The following NDUFA10 variants were observed in gnomAD, a reference collection of about 807,000 sequenced individuals.
NDUFA10 encodes the protein NADH dehydrogenase [ubiquinone] 1 alpha subcomplex subunit 10, mitochondrial.
NDUFA10 carries 40 observed loss-of-function variants against 47.8 expected under a neutral mutation model. The ratio of observed to expected loss-of-function variants is 0.84; its 90% CI spans 0.65 to 1.09. The LOEUF is 1.09. Ranked by LOEUF, NDUFA10 falls within the 50% of genes least tolerant of loss-of-function variation. The pLI, the probability that NDUFA10 is intolerant of heterozygous loss-of-function variation, is 0.00. For missense variants in NDUFA10, 413 were observed against 451.1 expected, an observed-to-expected ratio of 0.92 and a Z score of 0.76; for synonymous variants, 183 against 172.2, an observed-to-expected ratio of 1.06 and a Z score of -0.49.
intron 9 of NDUFA10, among the ~76,000 whole-genome samples, chr2:239,984,543 A>C (rs1695920420): frequency 6.6e-6 from 1 of 152,236 alleles, no homozygotes; most frequent in Admixed American, 6.5e-5. Context: ...GATTCTCTTT[A>C]ATGCTCACAA....
At chr2:239,915,275 C>A (rs890970505) in intron 4 of NDUFA10, among the ~76,000 whole-genome samples, 3 of 150,126 alleles carry the variant, frequency 2.0e-5, no homozygotes, top group Non-Finnish European at 3.0e-5. Context: ...TACAGACACA[C>A]ACAAATATAC....
intron 8 of NDUFA10, among the ~76,000 whole-genome samples, chr2:239,993,603 G>A (rs1198939355): frequency 6.6e-6 from 1 of 152,154 alleles, no homozygotes; most frequent in East Asian, 1.9e-4. Flanking sequence ...AAAGATTCAA[G>A]TAAAGAGAAA....
At chr2:239,948,411 T>G (rs1036219185) in intron 4 of NDUFA10, among the ~76,000 whole-genome samples, 1 of 152,228 alleles carries the variant, frequency 6.6e-6, no homozygotes, top group African/African-American at 2.4e-5. Flanking sequence ...CTCCACAGCC[T>G]CCGCTCCATG....
At chr2:239,914,626 C>T (rs528549035) in intron 4 of NDUFA10, among the ~76,000 whole-genome samples, 9 of 132,286 alleles carry the variant, frequency 6.8e-5, no homozygotes, top group East Asian at 6.2e-4. Context: ...GATACACATA[C>T]ACACACAGAA....
At chr2:239,999,073 G>A (rs1696599088) in intron 8 of NDUFA10, among the ~76,000 whole-genome samples, 1 of 152,140 alleles carries the variant, frequency 6.6e-6, no homozygotes, top group African/African-American at 2.4e-5. Context: ...CTACCAAAGT[G>A]AACTTGGGTC....
intron 4 of NDUFA10, chr2:240,017,931 G>A (rs2106494321): frequency 6.5e-7 from 1 of 1,540,772 alleles, no homozygotes; most frequent in African/African-American, 1.4e-5. Context: ...CCGTCAGTCA[G>A]ACTGTCCACC....
At chr2:239,975,824 G>A (rs1458773591) in intron 9 of NDUFA10, among the ~76,000 whole-genome samples, 1 of 152,052 alleles carries the variant, frequency 6.6e-6, no homozygotes, top group Admixed American at 6.6e-5. Flanking sequence ...CCTGGATCAA[G>A]CGTCCACACT....
chr2:239,994,501 C>A (rs868620885), intron 8 of NDUFA10, among the ~76,000 whole-genome samples: 4 of 151,910 alleles, frequency 2.6e-5, no homozygotes, highest in Admixed American at 1.3e-4. Context: ...AAGCTCAGGG[C>A]TCCCACTGAT....
At chr2:239,901,245 C>T (rs1414576716) in intron 4 of NDUFA10, among the ~76,000 whole-genome samples, 3 of 152,140 alleles carry the variant, frequency 2.0e-5, no homozygotes, top group African/African-American at 2.4e-5. Context: ...CAGTGGCTCG[C>T]ATCTGTAATC....
chr2:239,990,127 C>A lies in NDUFA10; in HGVS notation c.946G>T (p.Glu316Ter). ...GTCTGATGAGCTCCAATGGTGACTT[C>A]CGGGAGAAAGATAGGAATGCTTGTG... is the stretch of plus-strand genomic sequence containing the variant. ...NYTSIPIFLPEVTIGAHQTDR... is the reference protein window; with the variant it reads ...NYTSIPIFLP The change falls in exon 9 of 10, where the codon GAA (glutamate) becomes TAA (stop). Residue 316 changes from glutamate (E) to a stop codon, truncating the protein, a stop_gained. Transcript: ENST00000252711. LOFTEE classifies it high-confidence loss of function. The A allele has an allele frequency of 6.2e-7, 1 of 1,614,020 alleles. No individual in the cohort carries two copies. The highest frequency in any genetic ancestry group is 8.5e-7 in the Non-Finnish European group (1 of 1,179,934).
intron 4 of NDUFA10, chr2:240,017,682 CAGGG>C: frequency 1.4e-6 from 1 of 703,806 alleles, no homozygotes; most frequent in Non-Finnish European, 2.5e-6. Flanking sequence ...TCAGCATGTC[CAGGG>C]AGGATCAGCC....
intron 5 of NDUFA10, chr2:240,011,957 C>T: frequency 2.1e-6 from 1 of 475,974 alleles, no homozygotes; most frequent in Non-Finnish European, 3.9e-6. Flanking sequence ...ATACTTAGGG[C>T]AAGAAAGATG....
At chr2:239,943,454 C>T (rs1405445351) in intron 4 of NDUFA10, among the ~76,000 whole-genome samples, 2 of 152,228 alleles carry the variant, frequency 1.3e-5, no homozygotes, top group African/African-American at 4.8e-5. Context: ...CCCGCCTCAG[C>T]CTCCCAAAGT....
chr2:239,916,053 C>CACACACAA (rs1559278555), intron 4 of NDUFA10, among the ~76,000 whole-genome samples: 1 of 148,978 alleles, frequency 6.7e-6, no homozygotes, highest in Non-Finnish European at 1.5e-5. Context: ...CACAAACATA[C>CACACACAA]ACACACACAT....
chr2:239,959,917 C>T lies in NDUFA10; in HGVS notation c.*1201G>A. 1.0e-6 allele frequency: 1 copy of T among 985,520 alleles called. No individual in the cohort carries two copies. The highest frequency in any genetic ancestry group is 1.2e-6 in the Non-Finnish European group (1 of 829,958). 61.0% of individuals were successfully genotyped at this position (985,520 alleles called of 1,614,324 possible). A position where few individuals can be genotyped will look rare whatever the true frequency, so the allele number is the denominator to read the frequency against. On this transcript the variant is annotated 3_prime_UTR_variant, in exon 10 of 10. Coordinates refer to ENST00000252711, the MANE Select transcript of NDUFA10 (RefSeq NM_004544.4). ...TGCATCTTCTTCGCATGCTCCGCAG[C>T]AGCGAGGCCTGGTAGAGCTTCCGCG...
intron 8 of NDUFA10, among the ~76,000 whole-genome samples, chr2:239,996,915 C>T (rs1006822355): frequency 6.6e-6 from 1 of 151,872 alleles, no homozygotes; most frequent in African/African-American, 2.4e-5. Context: ...AGATTGGACA[C>T]CCCTGCTTTA....
chr2:239,942,864 G>T (rs552642493), intron 4 of NDUFA10, among the ~76,000 whole-genome samples: 1 of 152,144 alleles, frequency 6.6e-6, no homozygotes, highest in African/African-American at 2.4e-5. Flanking sequence ...GCAAAGGCTC[G>T]TCTTCCCCTC....
intron 9 of NDUFA10, among the ~76,000 whole-genome samples, chr2:239,965,371 A>G (rs192601831): frequency 6.9e-4 from 105 of 152,282 alleles, no homozygotes; most frequent in African/African-American, 2.4e-3. Context: ...CTTTGTTTAC[A>G]TGTCTACTTC....
chr2:239,946,339 C>T (rs1204432924), intron 4 of NDUFA10, among the ~76,000 whole-genome samples: 1 of 152,176 alleles, frequency 6.6e-6, no homozygotes, highest in Non-Finnish European at 1.5e-5. Flanking sequence ...GGAGGGTTTC[C>T]GAAGGGTAGT....
Sources: allele counts gnomAD v4.1 joint callset (sites outside exome capture counted in the v4.1 genomes callset), GRCh38; gene constraint gnomAD v4.1.1; transcripts MANE v1.5; gene names NCBI Gene and HGNC (gene_info 2026-07-23, HGNC 2026-07-21).